CALN1: variants seen among roughly 807,000 people sequenced by gnomAD.
CALN1 encodes the protein calcium-binding protein 8.
A neutral mutation model predicts 30.6 loss-of-function variants in CALN1; 17 were observed. The ratio of observed to expected loss-of-function variants is 0.56; its 90% confidence interval spans 0.38 to 0.83. CALN1 has a LOEUF of 0.83. Ranked by LOEUF, CALN1 falls within the 40% of genes least tolerant of loss-of-function variation. The pLI is 0.00. For missense variants in CALN1, 291 were observed against 354.9 expected (o/e 0.82, Z 1.45); for synonymous variants, 156 against 131.4 (o/e 1.19, Z -1.28).
At chr7:72,370,573 G>A (rs1804172412) in intron 2 of CALN1, among the ~76,000 whole-genome samples, 1 of 150,842 alleles carries the variant, frequency 6.6e-6, no homozygotes, top group African/African-American at 2.4e-5. Flanking sequence ...AGAACGGTGT[G>A]AACCCGGGAG....
At chr7:72,136,515 G>A (rs981133340) in intron 3 of CALN1, among the ~76,000 whole-genome samples, 71 of 152,140 alleles carry the variant, frequency 4.7e-4, no homozygotes, top group Non-Finnish European at 9.3e-4. Context: ...TCAGCAATAA[G>A]GCTGCTTTGC....
At chr7:72,491,105 G>A in the CALN1 span, among the ~76,000 whole-genome samples, 2 of 152,024 alleles carry the variant, frequency 1.3e-5, no homozygotes, top group Non-Finnish European at 2.9e-5. Flanking sequence ...ATAGCCAGGC[G>A]TGGTGGCAGG....
the CALN1 span, among the ~76,000 whole-genome samples, chr7:72,473,332 T>C: frequency 2.6e-5 from 4 of 152,044 alleles, no homozygotes; most frequent in East Asian, 3.9e-4. Context: ...ATCTGAGCTG[T>C]GATACTCCCT....
At position 72,418,623 on chromosome 7, in the gene CALN1, C is replaced by T. The variant is rs1386295442; in HGVS notation, c.-225-6348G>A. ...AATCGCCCTCTGTAGCTTCCCCGCC[C>T]CGGCTCACATAGGGCTCCTGGAGTT... On this transcript the variant is annotated intron_variant, in intron 1 of 6. Coordinates refer to the CALN1 transcript ENST00000395276. 3.9e-5 allele frequency among the ~76,000 whole-genome samples: 6 copies of T among 152,134 alleles called. No homozygotes were observed. The East Asian group carries it at 1.2e-3, about 30-fold the overall frequency.
chr7:72,306,944 C>G (rs1342581477), intron 2 of CALN1, among the ~76,000 whole-genome samples: 1 of 152,130 alleles, frequency 6.6e-6, no homozygotes, highest in African/African-American at 2.4e-5. Context: ...AACCCCATCT[C>G]CAGATAGCAT....
chr7:71,947,077 T>G (rs1320361161), intron 5 of CALN1, among the ~76,000 whole-genome samples: 1 of 152,038 alleles, frequency 6.6e-6, no homozygotes, highest in Non-Finnish European at 1.5e-5. Context: ...GTGGCGTGAT[T>G]TCGGCTCAAT....
Position 71,782,130 on chromosome 7 carries a change from A to C in CALN1, c.*5645T>G, listed in dbSNP as rs1308239345. The C allele has an allele frequency of 6.6e-6, 1 of 152,154 alleles. No homozygotes were observed. Among genetic ancestry groups the C allele is most frequent in the East Asian group, 1.9e-4 (1 of 5,184 alleles). The allele number at this position is 152,154 out of a possible 1,614,324, so 9.4% of individuals were successfully genotyped here. A position where few individuals can be genotyped will look rare whatever the true frequency, so the allele number is the denominator to read the frequency against. ...TCTCATTGCTCCAAACCAATCATAG[A>C]GGCTGGATATTTGTTCCCCCCAAAT... On this transcript the variant is annotated 3_prime_UTR_variant, in exon 7 of 7. Coordinates refer to ENST00000395275, the MANE Select transcript of CALN1 (RefSeq NM_031468.4).
chr7:71,788,478 G>GT lies in CALN1; in HGVS notation c.659-577dup, dbSNP rs71092906. Among the ~76,000 whole-genome samples the GT allele has an allele frequency of 3.3e-3, 465 of 141,778 alleles. 4 individuals are homozygous for GT. The highest frequency in any genetic ancestry group is 5.9e-3 in the Admixed American group (83 of 14,182). The allele number at this position is 141,778 out of a possible 152,430, so 93.0% of individuals were successfully genotyped here. On this transcript the variant is annotated intron_variant, in intron 6 of 6. Transcript: ENST00000395275. ...CAAGCAGCATCCCCATTACTAAGAG[G>GT]TTTTTTTTTGTTGTTTTTTTTTTTT... is the stretch of plus-strand genomic sequence containing the variant.
At chr7:72,286,773 A>G (rs1798106431) in intron 2 of CALN1, among the ~76,000 whole-genome samples, 1 of 152,250 alleles carries the variant, frequency 6.6e-6, no homozygotes, top group South Asian at 2.1e-4. Context: ...GGTCTGTGTA[A>G]AAGTTCTGCA....
At chr7:71,824,705 CG>C (rs1788810895) in intron 5 of CALN1, among the ~76,000 whole-genome samples, 1 of 152,120 alleles carries the variant, frequency 6.6e-6, no homozygotes, top group Non-Finnish European at 1.5e-5. Flanking sequence ...AAAAGACAGG[CG>C]GAATAAACTC....
intron 2 of CALN1, among the ~76,000 whole-genome samples, chr7:72,338,160 GC>G (rs1057048187): frequency 2.0e-5 from 3 of 152,230 alleles, no homozygotes; most frequent in Non-Finnish European, 4.4e-5. Context: ...CCTTTCTGCT[GC>G]CCCCAAGGTT....
At chr7:71,792,223 G>C (rs566863041) in intron 6 of CALN1, among the ~76,000 whole-genome samples, 136 of 152,160 alleles carry the variant, frequency 8.9e-4, no homozygotes, top group African/African-American at 1.5e-3. Flanking sequence ...CTATTATTTA[G>C]AAGTCTGTAA....
chr7:72,369,339 ATAT>A (rs906275851), intron 2 of CALN1, among the ~76,000 whole-genome samples: 1 of 109,496 alleles, frequency 9.1e-6, no homozygotes, highest in Non-Finnish European at 1.9e-5. Flanking sequence ...TAATTTATAA[ATAT>A]TATAAATATT....
intron 3 of CALN1, among the ~76,000 whole-genome samples, chr7:72,270,856 C>T (rs78392799): frequency 0.032 from 4,810 of 152,268 alleles, 242 homozygotes; most frequent in African/African-American, 0.11. Flanking sequence ...CCAATGGTAT[C>T]GAACTGAACT....
chr7:71,938,197 T>C (rs1183818818), intron 5 of CALN1, among the ~76,000 whole-genome samples: 1 of 152,170 alleles, frequency 6.6e-6, no homozygotes, highest in East Asian at 1.9e-4. Context: ...CATTTCCAGA[T>C]AGGGACACAT....
chr7:72,445,389 A>T (rs953988791), intron 1 of CALN1, among the ~76,000 whole-genome samples: 2 of 152,098 alleles, frequency 1.3e-5, no homozygotes, highest in Non-Finnish European at 2.9e-5. Flanking sequence ...CCTCAGCTCC[A>T]GGTGAGAATC....
intron 3 of CALN1, among the ~76,000 whole-genome samples, chr7:72,201,735 AT>A (rs147274313): frequency 1.4e-5 from 2 of 141,632 alleles, no homozygotes; most frequent in African/African-American, 5.5e-5. Flanking sequence ...CTTGAATCTG[AT>A]TAAAAAAAAA....
chr7:72,503,865 C>T, the CALN1 span, among the ~76,000 whole-genome samples: 2 of 152,020 alleles, frequency 1.3e-5, no homozygotes, highest in Non-Finnish European at 2.9e-5. Flanking sequence ...TTACCCTACA[C>T]CGTCAGTCAA....
chr7:72,330,013 G>A (rs1015317228), intron 2 of CALN1, among the ~76,000 whole-genome samples: 5 of 151,364 alleles, frequency 3.3e-5, no homozygotes, highest in East Asian at 2.0e-4. Flanking sequence ...AAATTAGGTC[G>A]GGCGCAGTGG....
Sources: gnomAD v4.1 joint callset for allele counts (sites outside exome capture counted in the v4.1 genomes callset) on GRCh38, gnomAD v4.1.1 for gene constraint, MANE v1.5 for transcripts, NCBI Gene and HGNC (gene_info 2026-07-23, HGNC 2026-07-21) for gene names.